Variants in RABGAP1 observed in about 807,000 individuals in gnomAD.
RABGAP1 encodes rab GTPase-activating protein 1.
Under a neutral mutation model 137.6 loss-of-function variants are expected in RABGAP1, and 23 were observed. That is an observed-to-expected ratio of 0.17 (90% CI 0.12 to 0.24). The LOEUF (loss-of-function observed/expected upper bound fraction) is 0.24, where lower values mean the gene tolerates loss of function less well. Among genes scored for constraint, RABGAP1 ranks in the 10% least tolerant of loss-of-function variants. The pLI is 1.00. For synonymous variants in RABGAP1, 451 were observed against 450.7 expected (o/e 1.00, Z -0.01); for missense variants, 906 against 1,275.8 (o/e 0.71, Z 4.42).
intron 21 of RABGAP1, among the ~76,000 whole-genome samples, chr9:123,092,472 G>GT (rs1564190089): frequency 1.3e-5 from 2 of 151,780 alleles, no homozygotes; most frequent in Admixed American, 6.6e-5. Flanking sequence ...ATGAGGATTT[G>GT]TTTTTTTTAA....
At chr9:122,958,997 A>G (rs561918543) in intron 2 of RABGAP1, among the ~76,000 whole-genome samples, 135 of 152,306 alleles carry the variant, frequency 8.9e-4, no homozygotes, top group African/African-American at 2.9e-3. Context: ...TGACAGAGTG[A>G]GATCCTGTCT....
Position 122,996,158 on chromosome 9 carries a change from A to G in RABGAP1, c.1034+7A>G, listed in dbSNP as rs763271221. The G allele has an allele frequency of 6.2e-7, 1 of 1,604,142 alleles. No homozygotes were observed. Among genetic ancestry groups the G allele is most frequent in the Non-Finnish European group, 8.5e-7 (1 of 1,177,426 alleles). On this transcript the variant is annotated splice_region_variant and intron_variant, in intron 7 of 25. Coordinates refer to ENST00000373647, the MANE Select transcript of RABGAP1 (RefSeq NM_012197.4). ...AAGAACTTGCCATTGAAAGGTAAGCATTTTTAGTAAGTTTAGCTTAAATAT... is the reference window on the plus strand; with the variant it reads ...AAGAACTTGCCATTGAAAGGTAAGCGTTTTTAGTAAGTTTAGCTTAAATAT...
intron 10 of RABGAP1, among the ~76,000 whole-genome samples, chr9:123,007,925 AC>A (rs1403114101): frequency 6.7e-6 from 1 of 149,192 alleles, no homozygotes; most frequent in South Asian, 2.1e-4. Context: ...ATAATTTAAA[AC>A]CTATGTTTAA....
chr9:122,965,739 G>A (rs182288015), intron 2 of RABGAP1, among the ~76,000 whole-genome samples: 291 of 152,298 alleles, frequency 1.9e-3, no homozygotes, highest in African/African-American at 6.2e-3. Context: ...GTAGTTGCAT[G>A]TATCTGTGAA....
At chr9:122,986,905 ATCACT>A (rs1203036702) in intron 4 of RABGAP1, among the ~76,000 whole-genome samples, 1 of 152,146 alleles carries the variant, frequency 6.6e-6, no homozygotes, top group East Asian at 1.9e-4. Context: ...AGACGGGTTG[ATCACT>A]TAAGTTCAGG....
Position 123,099,547 on chromosome 9 carries a change from C to A in RABGAP1, c.2887C>A (p.Arg963=). Residue 963 remains arginine (R), a splice_region_variant and synonymous_variant, in exon 24 of 26, where the codon CGG becomes AGG. Coordinates refer to ENST00000373647, the MANE Select transcript of RABGAP1 (RefSeq NM_012197.4). ...TANKVEIEKI[R]QKVDDCERCR... is the part of the protein sequence containing the mutation. ...CAATAAGGTGGAAATTGAGAAAATT[C>A]GGGTAAGACTTCTCTTTACCTAAAA... 6.2e-7 allele frequency: 1 copy of A among 1,605,084 alleles called. No individual in the cohort carries two copies. Among genetic ancestry groups the A allele is most frequent in the South Asian group, 1.1e-5 (1 of 90,848 alleles).
Position 123,076,647 on chromosome 9 carries a change from A to T in RABGAP1, c.2309A>T (p.Asp770Val). 6.3e-7 allele frequency: 1 copy of T among 1,598,154 alleles called. No individual in the cohort carries two copies. Among genetic ancestry groups the T allele is most frequent in the Non-Finnish European group, 8.5e-7 (1 of 1,173,502 alleles). The change falls in exon 19 of 26, where the codon GAC becomes GTC. Residue 770 changes from aspartate (D) to valine (V), a missense_variant. Physicochemically the swap from Asp to Val is radical, Grantham distance 152. Around this residue, in one of 9 missense-constraint regions of RABGAP1, gnomAD observed 77 missense variants for 105.6 expected, o/e 0.73. Coordinates refer to ENST00000373647, the MANE Select transcript of RABGAP1 (RefSeq NM_012197.4). ...ALGLLKTSKD[D>V]LLLTDFEGAL... ...ATTTTCTTCAAGACTTCGAAAGATGACCTGCTGTTGACAGACTTTGAAGGT... is the reference window on the plus strand; with the variant it reads ...ATTTTCTTCAAGACTTCGAAAGATGTCCTGCTGTTGACAGACTTTGAAGGT...
At chr9:122,965,396 A>G (rs191693374) in intron 2 of RABGAP1, among the ~76,000 whole-genome samples, 1 of 151,846 alleles carries the variant, frequency 6.6e-6, no homozygotes, top group Non-Finnish European at 1.5e-5. Flanking sequence ...ACTAAAAAAA[A>G]TTTTTTTTGA....
intron 1 of RABGAP1, among the ~76,000 whole-genome samples, chr9:122,950,361 CTT>C (rs1834162449): frequency 5.0e-4 from 36 of 72,044 alleles, no homozygotes; most frequent in Admixed American, 1.4e-3. Context: ...TCTTTTTTTT[CTT>C]TTTCTTTTTC....
chr9:123,010,597 AGGG>A, intron 11 of RABGAP1, 69 bp downstream of exon 11: 1 of 1,414,608 alleles, frequency 7.1e-7, no homozygotes, highest in Non-Finnish European at 9.8e-7. Context: ...AAATCGTATC[AGGG>A]GATTGATAAT....
intron 6 of RABGAP1, chr9:122,990,799 ATATATAT>A (rs1836676439): frequency 8.9e-4 from 37 of 41,784 alleles, no homozygotes; most frequent in East Asian, 3.6e-3. Flanking sequence ...AAAAAAAAAT[ATATATAT>A]ATATATATAT....
intron 13 of RABGAP1, among the ~76,000 whole-genome samples, chr9:123,042,723 A>G (rs1360412374): frequency 6.6e-6 from 1 of 152,222 alleles, no homozygotes; most frequent in Non-Finnish European, 1.5e-5. Flanking sequence ...GCTGACTAAC[A>G]GAATCTTCAG....
In RABGAP1 at chr9:122,948,960, C is replaced by T. The variant is rs540622774; in HGVS notation, c.-50+7867C>T. Among the ~76,000 whole-genome samples, 57 of 152,296 alleles carry T rather than the reference C, an allele frequency of 3.7e-4. No homozygotes were observed. In the South Asian group the frequency reaches 0.011, roughly 30 times the overall value. The stretch of plus-strand genomic sequence containing the variant: ...AAATTACTACGAGTAAAACATAAGA[C>T]CCCTGTCCACAAGTAGTTTGGGGGA... On this transcript the variant is annotated intron_variant, in intron 1 of 25. Coordinates refer to ENST00000373647, the MANE Select transcript of RABGAP1 (RefSeq NM_012197.4).
Position 122,947,653 on chromosome 9 carries a change from G to A in RABGAP1, c.-50+6560G>A, listed in dbSNP as rs181022344. On this transcript the variant is annotated intron_variant, in intron 1 of 25. Coordinates refer to ENST00000373647, the MANE Select transcript of RABGAP1 (RefSeq NM_012197.4). Reference sequence around the variant, plus strand: ...TAAAGAAGTAAATTGTCACAGTTACGGTAGGCTCAAATTTGCCTAAGCGTG... The same window carrying A: ...TAAAGAAGTAAATTGTCACAGTTACAGTAGGCTCAAATTTGCCTAAGCGTG... 2.0e-3 allele frequency among the ~76,000 whole-genome samples: 304 copies of A among 152,222 alleles called. 1 individual carries two copies. Among genetic ancestry groups the A allele is most frequent in the Non-Finnish European group, 3.2e-3 (221 of 68,008 alleles).
chr9:122,967,518 G>T (rs1835226462), intron 2 of RABGAP1, among the ~76,000 whole-genome samples: 1 of 152,132 alleles, frequency 6.6e-6, no homozygotes, highest in African/African-American at 2.4e-5. Context: ...GTTAGCCTAG[G>T]AACAGTTTCT....
intron 2 of RABGAP1, among the ~76,000 whole-genome samples, chr9:122,979,169 A>G (rs1207988740): frequency 1.3e-5 from 2 of 152,180 alleles, no homozygotes; most frequent in Non-Finnish European, 2.9e-5. Flanking sequence ...AATTGCTGGG[A>G]TTATAGGCAT....
At chr9:123,065,523 A>T (rs779689756) in intron 14 of RABGAP1, 62 bp downstream of exon 14, 2 of 1,181,186 alleles carry the variant, frequency 1.7e-6, no homozygotes, top group Non-Finnish European at 2.5e-6. Context: ...TTGAAATTAC[A>T]TAAGAAACAA....
intron 1 of RABGAP1, among the ~76,000 whole-genome samples, chr9:122,943,338 G>A (rs1833727862): frequency 6.6e-6 from 1 of 151,882 alleles, no homozygotes; most frequent in Non-Finnish European, 1.5e-5. Context: ...CAAAGTGCAG[G>A]GATTACAGGC....
intron 1 of RABGAP1, among the ~76,000 whole-genome samples, chr9:122,956,133 T>C (rs1834502871): frequency 6.6e-6 from 1 of 152,332 alleles, no homozygotes; most frequent in East Asian, 1.9e-4. Context: ...AATGTTCATA[T>C]TGAGCTGAGT....
Sources: allele counts gnomAD v4.1 joint callset (sites outside exome capture counted in the v4.1 genomes callset), GRCh38; gene constraint gnomAD v4.1.1; regional missense constraint gnomAD v4.1.1; transcripts MANE v1.5; gene names NCBI Gene and HGNC (gene_info 2026-07-23, HGNC 2026-07-21).